The following NDC80 variants were observed in gnomAD, a reference collection of about 807,000 sequenced individuals.
The protein encoded by NDC80 is NDC80 kinetochore complex component, also known as kinetochore protein NDC80 homolog.
In NDC80, 69 loss-of-function variants were observed where a neutral mutation model predicts 89.3. That is an observed-to-expected ratio of 0.77 (90% confidence interval 0.64 to 0.94). The LOEUF (loss-of-function observed/expected upper bound fraction) is 0.94, where lower values mean the gene tolerates loss of function less well. Among genes scored for constraint, NDC80 ranks in the 40% least tolerant of loss-of-function variants. NDC80 has a pLI of 0.00. For synonymous variants in NDC80, 243 were observed against 255.6 expected, an observed-to-expected ratio of 0.95 and a Z score of 0.47; for missense variants, 593 against 739.6, an observed-to-expected ratio of 0.80 and a Z score of 2.30.
At chr18:2,592,380 G>A (rs1360052667) in intron 10 of NDC80, among the ~76,000 whole-genome samples, 1 of 147,156 alleles carries the variant, frequency 6.8e-6, no homozygotes, top group African/African-American at 2.5e-5. Context: ...TTGAGAGACA[G>A]AGTGTCACTC....
intron 8 of NDC80, among the ~76,000 whole-genome samples, chr18:2,588,332 G>T (rs1189482372): frequency 1.3e-5 from 2 of 151,936 alleles, no homozygotes; most frequent in Admixed American, 1.3e-4. Context: ...GCACCAATTA[G>T]TCAAAAGACC....
In NDC80 at chr18:2,597,662, G is replaced by A. The variant is rs369886121; in HGVS notation, c.1222-1357G>A. 6.6e-5 allele frequency among the ~76,000 whole-genome samples: 10 copies of A among 152,006 alleles called. No homozygotes were observed. In the East Asian group the frequency reaches 7.7e-4, roughly 12 times the overall value. ...AGGAGAATCGCTTGAACCCGGAGGC[G>A]GAAGTTGCAGTGAGCCAAGATCCCA... is the stretch of plus-strand genomic sequence containing the variant. On this transcript the variant is annotated intron_variant, in intron 11 of 16. Coordinates refer to ENST00000261597, the MANE Select transcript of NDC80 (RefSeq NM_006101.3).
chr18:2,579,373 A>G (rs2072564570), intron 6 of NDC80, among the ~76,000 whole-genome samples: 1 of 152,220 alleles, frequency 6.6e-6, no homozygotes, highest in South Asian at 2.1e-4. Context: ...TGATATAACC[A>G]TAATCTCCAA....
At chr18:2,595,229 T>TTATATATATA (rs60668754) in intron 10 of NDC80, among the ~76,000 whole-genome samples, 187 bp from the exon 11 acceptor site, 3,121 of 146,558 alleles carry the variant, frequency 0.021, 90 homozygotes, top group East Asian at 0.1. Flanking sequence ...ACTTTGAAAT[T>TTATATATATA]TATATATATA....
intron 10 of NDC80, chr18:2,593,947 G>T: frequency 5.3e-6 from 1 of 187,338 alleles, no homozygotes. Context: ...CTGTCTCCCA[G>T]GCTGGCGTGC....
Position 2,578,931 on chromosome 18 carries a change from C to T in NDC80, c.481C>T (p.Pro161Ser). ...TGTTTTTCTGATTTCTCATAGGTATCCTTTTGCACTATCCAAAAGCTCCAT... is the reference window on the plus strand; with the variant it reads ...TGTTTTTCTGATTTCTCATAGGTATTCTTTTGCACTATCCAAAAGCTCCAT... ...VPRIFKDLGY[P>S]FALSKSSMYT... is the part of the protein sequence containing the mutation. Residue 161 changes from proline to serine, a missense_variant, in exon 6 of 17, where the codon CCT becomes TCT. Pro to Ser is a moderately conservative substitution (Grantham distance 74). Transcript: ENST00000261597. 1 of 1,497,996 alleles carries T rather than the reference C, an allele frequency of 6.7e-7. No individual in the cohort carries two copies. Among genetic ancestry groups the T allele is most frequent in the Non-Finnish European group, 8.9e-7 (1 of 1,120,010 alleles). The allele number at this position is 1,497,996 out of a possible 1,614,324, so 92.8% of individuals were successfully genotyped here.
chr18:2,607,965 G>GTATATATATATATATATA lies in NDC80; in HGVS notation c.1558-718_1558-701dup, dbSNP rs3033372. Among the ~76,000 whole-genome samples, 76 of 68,110 alleles carry GTATATATATATATATATA rather than the reference G, an allele frequency of 1.1e-3. 3 individuals are homozygous for GTATATATATATATATATA. Among genetic ancestry groups the GTATATATATATATATATA allele is most frequent in the East Asian group, 4.5e-3 (8 of 1,778 alleles). 44.7% of individuals were successfully genotyped at this position (68,110 alleles called of 152,430 possible). On this transcript the variant is annotated intron_variant, in intron 14 of 16. Transcript: ENST00000261597. ...TGTTTTTATTTTACATATATACATA[G>GTATATATATATATATATA]TATATATATATATATATATATATAT...
chr18:2,614,664 G>T (rs2072774942), intron 16 of NDC80, among the ~76,000 whole-genome samples: 1 of 144,260 alleles, frequency 6.9e-6, no homozygotes, highest in African/African-American at 2.5e-5. Context: ...AAATAAATTT[G>T]GCAATCCGAA....
In NDC80 at chr18:2,585,070, G is replaced by C. The variant is rs753623861; in HGVS notation, c.580-43G>C. 2.0e-6 allele frequency: 3 copies of C among 1,495,450 alleles called. No individual in the cohort carries two copies. In the South Asian group the frequency reaches 3.4e-5, roughly 17 times the overall value. 92.6% of individuals were successfully genotyped at this position (1,495,450 alleles called of 1,614,324 possible). A position where few individuals can be genotyped will look rare whatever the true frequency, so the allele number is the denominator to read the frequency against. ...GAATTTGCCAAAAAATGAAAGTTGT[G>C]TTTTTCAGATCAACTTGCTTTTCTT... On this transcript the variant is annotated intron_variant, in intron 6 of 16. Coordinates refer to ENST00000261597, the MANE Select transcript of NDC80 (RefSeq NM_006101.3).
chr18:2,608,091 T>C (rs2072724724), intron 14 of NDC80, among the ~76,000 whole-genome samples: 2 of 147,594 alleles, frequency 1.4e-5, no homozygotes, highest in Non-Finnish European at 3.0e-5. Context: ...CTTTATGTAT[T>C]TTTCCATTCC....
At chr18:2,606,613 T>G (rs982734653) in intron 14 of NDC80, 106 bp downstream of exon 14, 3 of 561,390 alleles carry the variant, frequency 5.3e-6, no homozygotes, top group Non-Finnish European at 5.9e-6. Flanking sequence ...GCTATATATA[T>G]CCTATAATTT....
At chr18:2,608,434 G>A (rs145625254) in intron 14 of NDC80, among the ~76,000 whole-genome samples, 30 of 152,174 alleles carry the variant, frequency 2.0e-4, no homozygotes, top group Middle Eastern at 3.4e-3. Flanking sequence ...TCAAACCCTT[G>A]ACTTCAAGTG....
intron 13 of NDC80, among the ~76,000 whole-genome samples, chr18:2,605,996 TACAA>T (rs1356340834): frequency 6.6e-6 from 1 of 152,068 alleles, no homozygotes; most frequent in Non-Finnish European, 1.5e-5. Flanking sequence ...ATAAAATTAA[TACAA>T]ACAATTCTTT....
At chr18:2,608,330 T>TAACTGG (rs2072725916) in intron 14 of NDC80, among the ~76,000 whole-genome samples, 1 of 151,846 alleles carries the variant, frequency 6.6e-6, no homozygotes, top group African/African-American at 2.4e-5. Context: ...CTCAGCCTCA[T>TAACTGG]GAGTAACTGG....
chr18:2,598,292 A>G (rs1040708580), intron 11 of NDC80, among the ~76,000 whole-genome samples: 3 of 152,230 alleles, frequency 2.0e-5, no homozygotes, highest in African/African-American at 7.2e-5. Flanking sequence ...CTGCAAATTC[A>G]TTTATTCAAT....
At chr18:2,585,239 C>T (rs535817421) in intron 7 of NDC80, 37 bp downstream of exon 7, 2 of 1,461,384 alleles carry the variant, frequency 1.4e-6, no homozygotes, top group African/African-American at 2.8e-5. Context: ...TAATGAATTG[C>T]CTTGATATTA....
At chr18:2,611,958 C>T (rs2072746636) in intron 16 of NDC80, among the ~76,000 whole-genome samples, 1 of 151,680 alleles carries the variant, frequency 6.6e-6, no homozygotes, top group African/African-American at 2.4e-5. Flanking sequence ...GGGTTCTACC[C>T]ACTTTCTAAT....
At chr18:2,601,598 A>G (rs2072684440) in intron 13 of NDC80, 113 bp downstream of exon 13, 1 of 476,102 alleles carries the variant, frequency 2.1e-6, no homozygotes, top group Non-Finnish European at 3.7e-6. Context: ...TAACAAAACT[A>G]TGAAAAAATG....
chr18:2,612,132 A>G (rs1598247530), intron 16 of NDC80, among the ~76,000 whole-genome samples: 1 of 152,258 alleles, frequency 6.6e-6, no homozygotes, highest in South Asian at 2.1e-4. Context: ...TATTCATAGC[A>G]TACAATTGAT....
Sources: allele counts gnomAD v4.1 joint callset (sites outside exome capture counted in the v4.1 genomes callset), GRCh38; gene constraint gnomAD v4.1.1; transcripts MANE v1.5; gene names NCBI Gene and HGNC (gene_info 2026-07-23, HGNC 2026-07-21).